ZNF652: variants seen among roughly 807,000 people sequenced by gnomAD.
The protein encoded by ZNF652 is zinc finger protein 652.
ZNF652 carries 16 observed loss-of-function variants against 45.2 expected under a neutral mutation model. That is an observed-to-expected ratio of 0.35 (90% CI 0.24 to 0.54). ZNF652 has a LOEUF of 0.54. ZNF652 is among the 20% of genes least tolerant of loss of function. The pLI is 0.91. For missense variants in ZNF652, 614 were observed against 765.6 expected (o/e 0.80, Z 2.34); for synonymous variants, 250 against 260.6 (o/e 0.96, Z 0.39).
At chr17:49,305,101 A>G (rs1224646539) in intron 5 of ZNF652, among the ~76,000 whole-genome samples, 1 of 152,034 alleles carries the variant, frequency 6.6e-6, no homozygotes, top group African/African-American at 2.4e-5. Context: ...ATAGTTTTAT[A>G]CCCCACATCT....
rs2286016 is a variant in ZNF652 at position 49,293,683 on chromosome 17, A to C, written c.*4730T>G. 2.1e-5 allele frequency among the ~76,000 whole-genome samples: 3 copies of C among 139,570 alleles called. No homozygotes were observed. Among genetic ancestry groups the C allele is most frequent in the Non-Finnish European group, 4.7e-5 (3 of 64,256 alleles). The allele number at this position is 139,570 out of a possible 152,430, so 91.6% of individuals were successfully genotyped here. On this transcript the variant is annotated 3_prime_UTR_variant, in exon 6 of 6. Coordinates refer to ENST00000430262, the MANE Select transcript of ZNF652 (RefSeq NM_001145365.3). ...AAAAAAAAAAAAAAAAAAAAAAAAA[A>C]AACTCTTAAGTAATTTCCTATCTTG...
intron 1 of ZNF652, among the ~76,000 whole-genome samples, chr17:49,349,641 CTCAGT>C (rs1269400391): frequency 2.0e-5 from 3 of 152,196 alleles, no homozygotes; most frequent in Admixed American, 6.6e-5. Context: ...GACTACTACT[CTCAGT>C]TAACAGTTAA....
At chr17:49,321,107 T>A (rs2069885658) in intron 1 of ZNF652, among the ~76,000 whole-genome samples, 1 of 152,196 alleles carries the variant, frequency 6.6e-6, no homozygotes, top group South Asian at 2.1e-4. Context: ...TTATGAGAAG[T>A]GACAGAGAGA....
Position 49,291,383 on chromosome 17 carries a change from G to T in ZNF652, c.*7030C>A, listed in dbSNP as rs1310040937. On this transcript the variant is annotated 3_prime_UTR_variant, in exon 6 of 6. Transcript: ENST00000430262. ...CTTTAGTTGATCAGAACTAGCCAAGGCAAGTATCAGATTTCCTTCTGAAGT... is the reference window on the plus strand; with the variant it reads ...CTTTAGTTGATCAGAACTAGCCAAGTCAAGTATCAGATTTCCTTCTGAAGT... 1 of 152,196 alleles carries T rather than the reference G, an allele frequency of 6.6e-6. No individual in the cohort carries two copies. The highest frequency in any genetic ancestry group is 1.5e-5 in the Non-Finnish European group (1 of 68,044). The allele number at this position is 152,196 out of a possible 1,614,324, so 9.4% of individuals were successfully genotyped here.
In ZNF652 at chr17:49,337,192, C is replaced by T. The variant is rs1187500980; in HGVS notation, c.-258-19209G>A. On this transcript the variant is annotated intron_variant, in intron 1 of 5. Coordinates refer to ENST00000430262, the MANE Select transcript of ZNF652 (RefSeq NM_001145365.3). ...CTACAAAAATTTTTTAAAAATTAGC[C>T]AGGTGTGGTGGTGCATGCCTACAAT... is the stretch of plus-strand genomic sequence containing the variant. 2.6e-5 allele frequency among the ~76,000 whole-genome samples: 4 copies of T among 151,250 alleles called. No homozygotes were observed. In the East Asian group the frequency reaches 7.8e-4, roughly 29 times the overall value.
chr17:49,341,986 G>C (rs1250476232), intron 1 of ZNF652, among the ~76,000 whole-genome samples: 1 of 152,148 alleles, frequency 6.6e-6, no homozygotes, highest in African/African-American at 2.4e-5. Flanking sequence ...AGGAGTTCGA[G>C]ACCAGCCTGA....
intron 1 of ZNF652, among the ~76,000 whole-genome samples, chr17:49,330,578 G>C (rs1001255146): frequency 2.0e-5 from 3 of 151,694 alleles, no homozygotes; most frequent in African/African-American, 7.3e-5. Flanking sequence ...TGAACTCCTG[G>C]TCTCAGGTGA....
At chr17:49,328,311 T>C (rs944215423) in intron 1 of ZNF652, among the ~76,000 whole-genome samples, 3 of 151,940 alleles carry the variant, frequency 2.0e-5, no homozygotes, top group Non-Finnish European at 4.4e-5. Context: ...GGTAAGAATG[T>C]TGCACACAAA....
intron 1 of ZNF652, among the ~76,000 whole-genome samples, chr17:49,333,036 G>A (rs894532569): frequency 6.6e-6 from 1 of 151,576 alleles, no homozygotes; most frequent in Non-Finnish European, 1.5e-5. Flanking sequence ...AGAAGACCCT[G>A]TCTGAAAAAA....
intron 5 of ZNF652, among the ~76,000 whole-genome samples, chr17:49,307,767 C>T (rs2069653292): frequency 6.6e-6 from 1 of 151,892 alleles, no homozygotes; most frequent in Admixed American, 6.6e-5. Context: ...AAACAAACGA[C>T]AACAACAAAA....
intron 2 of ZNF652, among the ~76,000 whole-genome samples, chr17:49,316,258 C>G (rs1260196456): frequency 6.6e-6 from 1 of 152,200 alleles, no homozygotes; most frequent in Non-Finnish European, 1.5e-5. Flanking sequence ...ACATTTTCGA[C>G]CAGCTCAGCC....
chr17:49,294,729 T>C lies in ZNF652; in HGVS notation c.*3684A>G, dbSNP rs1473285323. On this transcript the variant is annotated 3_prime_UTR_variant, in exon 6 of 6. Transcript: ENST00000430262. The stretch of plus-strand genomic sequence containing the variant: ...CTCAAATAAGTCTTAACCCTAGCAA[T>C]GATACAAGCCTTTGAAGACAGTAAA... 6.6e-6 allele frequency: 1 copy of C among 152,126 alleles called. No individual in the cohort carries two copies. Among genetic ancestry groups the C allele is most frequent in the Non-Finnish European group, 1.5e-5 (1 of 68,030 alleles). 9.4% of individuals were successfully genotyped at this position (152,126 alleles called of 1,614,324 possible). A position where few individuals can be genotyped will look rare whatever the true frequency, so the allele number is the denominator to read the frequency against.
chr17:49,341,182 T>C (rs1020793831), intron 1 of ZNF652, among the ~76,000 whole-genome samples: 4 of 151,844 alleles, frequency 2.6e-5, no homozygotes, highest in African/African-American at 9.7e-5. Flanking sequence ...CAGGCCACTG[T>C]ACTCTAGACT....
intron 5 of ZNF652, among the ~76,000 whole-genome samples, chr17:49,299,578 G>A (rs1447722045): frequency 1.3e-5 from 2 of 151,146 alleles, no homozygotes; most frequent in East Asian, 2.0e-4. Context: ...ACGGGGTTTC[G>A]CCATTTTGGC....
In ZNF652 at chr17:49,295,357, T is replaced by C. The variant is rs1011348845; in HGVS notation, c.*3056A>G. On this transcript the variant is annotated 3_prime_UTR_variant, in exon 6 of 6. Transcript: ENST00000430262. ...AGGGGAAAAAAAGGAAGTTTCTAAA[T>C]TGTTCCACAATACACTTCACTAAGA... 3.3e-5 allele frequency: 5 copies of C among 150,744 alleles called. No homozygotes were observed. The highest frequency in any genetic ancestry group is 2.0e-4 in the Admixed American group (3 of 14,940). 9.3% of individuals were successfully genotyped at this position (150,744 alleles called of 1,614,324 possible).
intron 1 of ZNF652, among the ~76,000 whole-genome samples, chr17:49,338,266 G>A (rs751941453): frequency 8.6e-5 from 13 of 151,748 alleles, no homozygotes; most frequent in Admixed American, 5.9e-4. Flanking sequence ...GGATTACAGC[G>A]TCAGCCACTG....
intron 1 of ZNF652, among the ~76,000 whole-genome samples, chr17:49,354,538 T>C (rs1411564450): frequency 6.7e-6 from 1 of 148,802 alleles, no homozygotes; most frequent in African/African-American, 2.5e-5. Flanking sequence ...TTGAACCTGG[T>C]AGGCAGAGGC....
rs183074480 is a variant in ZNF652 at position 49,337,428 on chromosome 17, A to G, written c.-258-19445T>C. On this transcript the variant is annotated intron_variant, in intron 1 of 5. Coordinates refer to ENST00000430262, the MANE Select transcript of ZNF652 (RefSeq NM_001145365.3). Reference sequence around the variant, plus strand: ...CTTACTTAGAACAAAATTTAACTCAATAGAGGTTTTCTACACTGGATGTTG... The same window carrying G: ...CTTACTTAGAACAAAATTTAACTCAGTAGAGGTTTTCTACACTGGATGTTG... Among the ~76,000 whole-genome samples the G allele has an allele frequency of 2.5e-3, 386 of 152,248 alleles. 1 individual carries two copies. Among genetic ancestry groups the G allele is most frequent in the African/African-American group, 8.5e-3 (354 of 41,560 alleles).
At chr17:49,341,126 A>G (rs539141135) in intron 1 of ZNF652, among the ~76,000 whole-genome samples, 345 of 152,012 alleles carry the variant, frequency 2.3e-3, no homozygotes, top group African/African-American at 7.9e-3. Flanking sequence ...CAGGAGAATC[A>G]TTTGAACCCA....
Sources: gnomAD v4.1 joint callset for allele counts (sites outside exome capture counted in the v4.1 genomes callset) on GRCh38, gnomAD v4.1.1 for gene constraint, MANE v1.5 for transcripts, NCBI Gene and HGNC (gene_info 2026-07-23, HGNC 2026-07-21) for gene names.